ATP6V0E1: variants seen among roughly 807,000 people sequenced by gnomAD.
ATP6V0E1 encodes ATPase H+ transporting V0 subunit e1.
A neutral mutation model predicts 11.6 loss-of-function variants in ATP6V0E1; 4 were observed. The observed-to-expected ratio is 0.35, with a 90% CI of 0.17 to 0.79. The LOEUF (loss-of-function observed/expected upper bound fraction) is 0.79, where lower values mean the gene tolerates loss of function less well. Ranked by LOEUF, ATP6V0E1 falls within the 30% of genes least tolerant of loss-of-function variation. The pLI, the probability that ATP6V0E1 is intolerant of heterozygous loss-of-function variation, is 0.54. For synonymous variants in ATP6V0E1, 36 were observed against 34.8 expected, an observed-to-expected ratio of 1.04 and a Z score of -0.13; for missense variants, 105 against 100.0, an observed-to-expected ratio of 1.05 and a Z score of -0.21.
chr5:172,985,149 G>A (rs1755875016), intron 1 of ATP6V0E1, among the ~76,000 whole-genome samples: 1 of 151,608 alleles, frequency 6.6e-6, no homozygotes, highest in Non-Finnish European at 1.5e-5. Flanking sequence ...GGAGGCTGAG[G>A]CAGGAGAATG....
intron 3 of ATP6V0E1, chr5:173,020,742 G>A (rs941932740): frequency 3.9e-6 from 2 of 519,332 alleles, no homozygotes; most frequent in African/African-American, 3.8e-5. Context: ...GCAGTAGTCA[G>A]CCATCCGGAC....
At chr5:172,993,689 CCG>C (rs1756019998) in intron 1 of ATP6V0E1, among the ~76,000 whole-genome samples, 2 of 129,156 alleles carry the variant, frequency 1.5e-5, no homozygotes, top group African/African-American at 6.1e-5. Context: ...ACCCCCCCCC[CCG>C]ACCCCACCTC....
intron 3 of ATP6V0E1, among the ~76,000 whole-genome samples, chr5:173,026,842 T>C (rs1756567377): frequency 6.6e-6 from 1 of 152,202 alleles, no homozygotes; most frequent in Admixed American, 6.6e-5. Flanking sequence ...TACTGTTGCA[T>C]TGTCTTCCAT....
chr5:173,025,947 C>T (rs1396298300), intron 3 of ATP6V0E1, among the ~76,000 whole-genome samples: 1 of 151,986 alleles, frequency 6.6e-6, no homozygotes, highest in African/African-American at 2.4e-5. Context: ...TCTCTTGAGC[C>T]CAGAGTTTGA....
chr5:173,004,111 A>G (rs1756195330), intron 2 of ATP6V0E1, among the ~76,000 whole-genome samples: 1 of 152,204 alleles, frequency 6.6e-6, no homozygotes, highest in Non-Finnish European at 1.5e-5. Flanking sequence ...AGGAATGCCA[A>G]CATTTTGATG....
intron 2 of ATP6V0E1, among the ~76,000 whole-genome samples, chr5:172,995,623 T>A (rs1288299764): frequency 6.6e-6 from 1 of 151,982 alleles, no homozygotes; most frequent in Admixed American, 6.6e-5. Context: ...AGGATTTCTT[T>A]CAATTTAGGT....
chr5:173,020,104 A>G (rs1230517189), intron 2 of ATP6V0E1, 134 bp from the exon 3 acceptor site: 1 of 671,590 alleles, frequency 1.5e-6, no homozygotes, highest in Admixed American at 2.5e-5. Context: ...CTGTTAACAC[A>G]ATGTATATGG....
At chr5:173,020,950 G>T in intron 3 of ATP6V0E1, 1 of 519,074 alleles carries the variant, frequency 1.9e-6, no homozygotes, top group South Asian at 1.4e-5. Context: ...TAAGGTTTTT[G>T]AATGCTTTGG....
intron 2 of ATP6V0E1, among the ~76,000 whole-genome samples, chr5:173,017,697 T>C (rs1245262807): frequency 1.3e-5 from 2 of 151,172 alleles, no homozygotes; most frequent in Non-Finnish European, 2.9e-5. Context: ...AAAAATTAGC[T>C]GGGGATGGTG....
At chr5:172,996,368 G>C (rs1756067022) in intron 2 of ATP6V0E1, among the ~76,000 whole-genome samples, 1 of 151,884 alleles carries the variant, frequency 6.6e-6, no homozygotes, top group South Asian at 2.1e-4. Flanking sequence ...GACCAGCCTG[G>C]CCAACATGGT....
intron 3 of ATP6V0E1, among the ~76,000 whole-genome samples, chr5:173,025,165 A>T (rs1581636396): frequency 2.4e-5 from 3 of 123,662 alleles, no homozygotes; most frequent in Admixed American, 8.4e-5. Context: ...TTTTTTTTTT[A>T]AAGACAGAGT....
intron 2 of ATP6V0E1, among the ~76,000 whole-genome samples, chr5:173,008,734 C>T (rs953671256): frequency 6.7e-6 from 1 of 148,484 alleles, no homozygotes; most frequent in Admixed American, 6.7e-5. Flanking sequence ...GCGGTGAAAC[C>T]CCATCTCTAC....
At chr5:173,025,978 C>G (rs1486995750) in intron 3 of ATP6V0E1, among the ~76,000 whole-genome samples, 2 of 151,954 alleles carry the variant, frequency 1.3e-5, no homozygotes, top group African/African-American at 4.8e-5. Context: ...GGCAATATAT[C>G]AAGACCTCAT....
At chr5:172,993,375 G>A (rs1165525691) in intron 1 of ATP6V0E1, among the ~76,000 whole-genome samples, 1 of 150,788 alleles carries the variant, frequency 6.6e-6, no homozygotes, top group Non-Finnish European at 1.5e-5. Flanking sequence ...CGGGCATGGT[G>A]GTGCATGCCC....
At chr5:172,993,410 G>T (rs148482706) in intron 1 of ATP6V0E1, among the ~76,000 whole-genome samples, 2,282 of 152,166 alleles carry the variant, frequency 0.015, 32 homozygotes, top group Middle Eastern at 0.041. Context: ...TTGGGCTGAG[G>T]CAGGAGAATC....
rs376389287 is a variant in ATP6V0E1 at position 172,991,986 on chromosome 5, T to C, written c.105-2789T>C. The stretch of plus-strand genomic sequence containing the variant: ...CTTTCCTTCTTCCTTTATTTTTCTT[T>C]CTTTCCTTCTTTCTTCTTTCTGTCT... On this transcript the variant is annotated intron_variant, in intron 1 of 3. Coordinates refer to ENST00000519374, the MANE Select transcript of ATP6V0E1 (RefSeq NM_003945.4). Among the ~76,000 whole-genome samples the C allele has an allele frequency of 1.7e-4, 24 of 142,482 alleles. No individual in the cohort carries two copies. In the East Asian group the frequency reaches 4.9e-3, roughly 29 times the overall value. The allele number at this position is 142,482 out of a possible 152,430, so 93.5% of individuals were successfully genotyped here. A position where few individuals can be genotyped will look rare whatever the true frequency, so the allele number is the denominator to read the frequency against.
intron 2 of ATP6V0E1, among the ~76,000 whole-genome samples, chr5:173,007,928 A>G (rs941666041): frequency 6.6e-6 from 1 of 152,194 alleles, no homozygotes; most frequent in Non-Finnish European, 1.5e-5. Flanking sequence ...CAAGGCATGT[A>G]TGCCGGGCAG....
At chr5:173,012,819 A>G (rs766726491) in intron 2 of ATP6V0E1, among the ~76,000 whole-genome samples, 10 of 152,122 alleles carry the variant, frequency 6.6e-5, no homozygotes, top group Non-Finnish European at 1.3e-4. Flanking sequence ...AGAAGCAAAC[A>G]TAGGGACAAC....
At chr5:173,016,806 A>G (rs1319209003) in intron 2 of ATP6V0E1, among the ~76,000 whole-genome samples, 1 of 152,150 alleles carries the variant, frequency 6.6e-6, no homozygotes, top group Non-Finnish European at 1.5e-5. Flanking sequence ...TTATAATGTC[A>G]GATGGATGAT....
Sources: allele counts gnomAD v4.1 joint callset (sites outside exome capture counted in the v4.1 genomes callset), GRCh38; gene constraint gnomAD v4.1.1; transcripts MANE v1.5; gene names NCBI Gene and HGNC (gene_info 2026-07-23, HGNC 2026-07-21).